Variants in ATF6 observed in about 807,000 individuals in gnomAD.
The protein encoded by ATF6 is activating transcription factor 6, also known as cyclic AMP-dependent transcription factor ATF-6 alpha.
In ATF6, 53 loss-of-function variants were observed where a neutral mutation model predicts 83.6. The ratio of observed to expected loss-of-function variants is 0.63; its 90% CI spans 0.51 to 0.80. The LOEUF (loss-of-function observed/expected upper bound fraction) is 0.80, where lower values mean the gene tolerates loss of function less well. Among genes scored for constraint, ATF6 ranks in the 30% least tolerant of loss-of-function variants. The pLI, the probability that ATF6 is intolerant of heterozygous loss-of-function variation, is 0.00. For missense variants in ATF6, 744 were observed against 797.9 expected, an observed-to-expected ratio of 0.93 and a Z score of 0.81; for synonymous variants, 288 against 285.8, an observed-to-expected ratio of 1.01 and a Z score of -0.08.
At chr1:161,833,767 A>ATGGG in intron 9 of ATF6, among the ~76,000 whole-genome samples, 1 of 152,186 alleles carries the variant, frequency 6.6e-6, no homozygotes, top group African/African-American at 2.4e-5. Context: ...GAAAAGACCA[A>ATGGG]ATCTACGTCT....
At chr1:161,860,313 A>T (rs1293862601) in intron 13 of ATF6, 36 bp downstream of exon 13, 1 of 1,437,846 alleles carries the variant, frequency 7.0e-7, no homozygotes, top group South Asian at 1.6e-5. Context: ...CAAGGAATTT[A>T]AAATAGCTGG....
At chr1:161,916,777 C>G (rs1180852055) in intron 15 of ATF6, among the ~76,000 whole-genome samples, 1 of 152,036 alleles carries the variant, frequency 6.6e-6, no homozygotes, top group Admixed American at 6.6e-5. Context: ...TAAAATTCAC[C>G]AATTTTTTGT....
chr1:161,951,711 G>A (rs1199048191), intron 15 of ATF6, among the ~76,000 whole-genome samples: 1 of 152,178 alleles, frequency 6.6e-6, no homozygotes, highest in Non-Finnish European at 1.5e-5. Flanking sequence ...GAGAAGACCT[G>A]AGGAAATGCA....
intron 14 of ATF6, among the ~76,000 whole-genome samples, chr1:161,898,818 G>A (rs764607851): frequency 2.0e-5 from 3 of 152,144 alleles, no homozygotes; most frequent in African/African-American, 4.8e-5. Context: ...AAGGTGCTGG[G>A]ATTACAGGTG....
rs531759725 is a variant in ATF6, at chr1:161,903,522, A to G, written c.1720-8774A>G. 2.0e-5 allele frequency among the ~76,000 whole-genome samples: 3 copies of G among 152,302 alleles called. No homozygotes were observed. The South Asian group carries it at 6.2e-4, about 32-fold the overall frequency. ...GTTGAGGGAATAAACTTAAACAACA[A>G]ATCTAAATTTCCTATATCAGTTGCA... On this transcript the variant is annotated intron_variant, in intron 14 of 15. Transcript: ENST00000367942.
chr1:161,905,488 T>C (rs1276479923), intron 14 of ATF6, among the ~76,000 whole-genome samples: 1 of 152,192 alleles, frequency 6.6e-6, no homozygotes, highest in Non-Finnish European at 1.5e-5. Context: ...GTAACACACC[T>C]GTAGGAGGCA....
At chr1:161,938,087 GCA>G (rs1026643615) in intron 15 of ATF6, among the ~76,000 whole-genome samples, 34 of 152,070 alleles carry the variant, frequency 2.2e-4, no homozygotes, top group African/African-American at 8.0e-4. Flanking sequence ...TCCTCTGCAT[GCA>G]CAGAGTCCTC....
chr1:161,917,917 T>C (rs923963649), intron 15 of ATF6, among the ~76,000 whole-genome samples: 16 of 152,300 alleles, frequency 1.1e-4, no homozygotes, highest in African/African-American at 3.8e-4. Context: ...TTATAGATAA[T>C]GCCTCAAGAA....
chr1:161,833,960 T>G (rs1448172041), intron 9 of ATF6, among the ~76,000 whole-genome samples: 1 of 152,102 alleles, frequency 6.6e-6, no homozygotes, highest in African/African-American at 2.4e-5. Flanking sequence ...ATTGTCAGAT[T>G]CACCAAAGTT....
At chr1:161,831,818 A>G (rs1287008295) in intron 9 of ATF6, among the ~76,000 whole-genome samples, 5 of 138,850 alleles carry the variant, frequency 3.6e-5, no homozygotes, top group Non-Finnish European at 7.8e-5. Flanking sequence ...GGGGGGAGGG[A>G]TAGCATTCAG....
At chr1:161,839,478 C>T (rs953643272) in intron 9 of ATF6, among the ~76,000 whole-genome samples, 9 of 152,160 alleles carry the variant, frequency 5.9e-5, no homozygotes, top group Admixed American at 2.6e-4. Context: ...TGTTCCACCT[C>T]AGCCTCCTGA....
chr1:161,790,891 A>G (rs1684860292), intron 4 of ATF6, among the ~76,000 whole-genome samples: 1 of 152,342 alleles, frequency 6.6e-6, no homozygotes, highest in Admixed American at 6.5e-5. Flanking sequence ...AACATTTGGA[A>G]CAAAGGCAGT....
chr1:161,935,105 A>T (rs1488611279), intron 15 of ATF6, among the ~76,000 whole-genome samples: 2 of 152,190 alleles, frequency 1.3e-5, no homozygotes, highest in Non-Finnish European at 2.9e-5. Context: ...TAGGTGGAAT[A>T]TTTTTTATTC....
intron 15 of ATF6, among the ~76,000 whole-genome samples, chr1:161,914,335 CTCCTTCAG>C (rs1262215607): frequency 6.6e-6 from 1 of 152,078 alleles, no homozygotes; most frequent in Non-Finnish European, 1.5e-5. Context: ...CAAATTATTT[CTCCTTCAG>C]TCCCCTTAAC....
rs1684831758 is a variant in ATF6, at chr1:161,789,565, T to C, written c.355-1843T>C. 3.3e-5 allele frequency among the ~76,000 whole-genome samples: 5 copies of C among 152,276 alleles called. No homozygotes were observed. The South Asian group carries it at 8.3e-4, about 25-fold the overall frequency. Reference sequence around the variant, plus strand: ...CATATTACCTTGCTAAAAGGCACGCTGTCTCTTTTGTTTTAATGTTTTTTA... The same window carrying C: ...CATATTACCTTGCTAAAAGGCACGCCGTCTCTTTTGTTTTAATGTTTTTTA... On this transcript the variant is annotated intron_variant, in intron 4 of 15. Transcript: ENST00000367942.
At chr1:161,833,119 A>G (rs1166562877) in intron 9 of ATF6, among the ~76,000 whole-genome samples, 1 of 152,218 alleles carries the variant, frequency 6.6e-6, no homozygotes, top group African/African-American at 2.4e-5. Flanking sequence ...TTCTGCAGCC[A>G]CCGCTGCTGA....
At chr1:161,859,765 T>C (rs1160157848) in intron 12 of ATF6, among the ~76,000 whole-genome samples, 1 of 152,214 alleles carries the variant, frequency 6.6e-6, no homozygotes, top group Non-Finnish European at 1.5e-5. Context: ...ATGGCTTAGT[T>C]CATAGATGTA....
chr1:161,833,027 C>G (rs193265341), intron 9 of ATF6, among the ~76,000 whole-genome samples: 3 of 152,286 alleles, frequency 2.0e-5, no homozygotes, highest in Admixed American at 2.0e-4. Context: ...ACTGACACCT[C>G]ACACAGCTGG....
chr1:161,901,795 T>C (rs987505724), intron 14 of ATF6, among the ~76,000 whole-genome samples: 1 of 152,140 alleles, frequency 6.6e-6, no homozygotes, highest in Admixed American at 6.5e-5. Flanking sequence ...TCTAAAGCCA[T>C]ATCAGTGATA....
Sources: allele counts gnomAD v4.1 joint callset (sites outside exome capture counted in the v4.1 genomes callset), GRCh38; gene constraint gnomAD v4.1.1; transcripts MANE v1.5; gene names NCBI Gene and HGNC (gene_info 2026-07-23, HGNC 2026-07-21).